Variants in RBFOX3 observed in about 807,000 individuals in gnomAD.
The protein encoded by RBFOX3 is RNA binding protein fox-1 homolog 3.
Under a neutral mutation model 48.7 loss-of-function variants are expected in RBFOX3, and 17 were observed. The ratio of observed to expected loss-of-function variants is 0.35; its 90% CI spans 0.24 to 0.52. The LOEUF is 0.52. Ranked by LOEUF, RBFOX3 falls within the 20% of genes least tolerant of loss-of-function variation. The pLI is 0.94. For synonymous variants in RBFOX3, 212 were observed against 209.5 expected (o/e 1.01, Z -0.10); for missense variants, 382 against 497.5 (o/e 0.77, Z 2.21).
intron 1 of RBFOX3, among the ~76,000 whole-genome samples, chr17:79,521,081 G>A (rs1408447267): frequency 6.6e-6 from 1 of 152,216 alleles, no homozygotes; most frequent in Admixed American, 6.5e-5. Context: ...ACGCAAAGAG[G>A]ATGGGGGGCA....
intron 3 of RBFOX3, among the ~76,000 whole-genome samples, chr17:79,255,085 T>C (rs1447721520): frequency 1.3e-5 from 2 of 152,024 alleles, no homozygotes; most frequent in Admixed American, 1.3e-4. Context: ...CTTAGCCAAC[T>C]CCTTGACCCC....
chr17:79,142,218 C>G (rs2042056199), intron 4 of RBFOX3, among the ~76,000 whole-genome samples: 1 of 152,166 alleles, frequency 6.6e-6, no homozygotes, highest in African/African-American at 2.4e-5. Context: ...TGTGCCTTGT[C>G]TGTAATTATT....
At chr17:79,301,355 G>A (rs2145336398) in intron 3 of RBFOX3, among the ~76,000 whole-genome samples, 1 of 152,350 alleles carries the variant, frequency 6.6e-6, no homozygotes, top group South Asian at 2.1e-4. Context: ...AGAACACAAA[G>A]TCTCCCAGGG....
intron 10 of RBFOX3, 76 bp downstream of exon 10, chr17:79,097,612 GCCCC>G: frequency 4.3e-6 from 3 of 695,182 alleles, no homozygotes; most frequent in Non-Finnish European, 6.5e-6. Context: ...CGCCCCTCAT[GCCCC>G]GCCCCCAGAG....
intron 1 of RBFOX3, among the ~76,000 whole-genome samples, chr17:79,573,329 C>G (rs2092743740): frequency 6.6e-6 from 1 of 152,204 alleles, no homozygotes; most frequent in African/African-American, 2.4e-5. Flanking sequence ...CTGGAAGGAG[C>G]TGCACGCAGC....
At chr17:79,184,438 G>A (rs1224107142) in intron 4 of RBFOX3, among the ~76,000 whole-genome samples, 1 of 152,216 alleles carries the variant, frequency 6.6e-6, no homozygotes, top group African/African-American at 2.4e-5. Flanking sequence ...AGAGGTCTCG[G>A]CAGTGCCCCT....
intron 2 of RBFOX3, among the ~76,000 whole-genome samples, chr17:79,340,649 G>A (rs2081941930): frequency 6.6e-6 from 1 of 152,094 alleles, no homozygotes; most frequent in South Asian, 2.1e-4. Context: ...TCATGACACG[G>A]GTCTGGCACT....
At position 79,115,512 on chromosome 17, in the gene RBFOX3, G is replaced by A. The variant is rs998084414; in HGVS notation, c.204C>T (p.Ala68=). The A allele has an allele frequency of 3.5e-5, 47 of 1,336,120 alleles. No individual in the cohort carries two copies. Among genetic ancestry groups the A allele is most frequent in the South Asian group, 4.3e-5 (2 of 46,640 alleles). 82.8% of individuals were successfully genotyped at this position (1,336,120 alleles called of 1,614,324 possible). ...PGSEASTQPI[A]GTQTVPQTDE... ...CCCTTACCGGCACTGTCTGGGTCCC[G>A]GCGATGGGCTGTGTGCTGGCCTCGG... The change falls in exon 5 of 15, where the codon GCC becomes GCT. Residue 68 remains alanine (A), a synonymous_variant. Coordinates refer to ENST00000693108, the MANE Select transcript of RBFOX3 (RefSeq NM_001350451.2).
At chr17:79,096,625 C>G (rs141414090) in intron 12 of RBFOX3, 28 bp downstream of exon 12, 10 of 1,412,570 alleles carry the variant, frequency 7.1e-6, no homozygotes, top group Non-Finnish European at 8.8e-6. Context: ...CCTGATCCCA[C>G]CCTCCCTCCC....
intron 5 of RBFOX3, among the ~76,000 whole-genome samples, chr17:79,110,925 C>T (rs537871710): frequency 6.6e-6 from 1 of 152,348 alleles, no homozygotes; most frequent in Non-Finnish European, 1.5e-5. Flanking sequence ...CCGCCCTTCT[C>T]AGGCCAGTGG....
intron 4 of RBFOX3, among the ~76,000 whole-genome samples, chr17:79,153,329 T>C (rs1447671543): frequency 2.0e-5 from 3 of 152,214 alleles, no homozygotes; most frequent in African/African-American, 7.2e-5. Context: ...ACAGGCCTTC[T>C]AGAAGGTGCT....
At chr17:79,332,316 G>A (rs529273688) in intron 2 of RBFOX3, among the ~76,000 whole-genome samples, 94 of 150,772 alleles carry the variant, frequency 6.2e-4, no homozygotes, top group Admixed American at 3.9e-3. Context: ...GCTGCTGAGC[G>A]AAGCAGGGAT....
rs1036521916 is a variant in RBFOX3 at position 79,390,422 on chromosome 17, G to C, written c.-174-82598C>G. ...CTCAGCCCCATCTGCCCACTTTGGT[G>C]CTGGAAAATGCACTCAGAGTCCAAC... On this transcript the variant is annotated intron_variant, in intron 2 of 14. Transcript: ENST00000693108. This position sits in a 1 kb window ranked among gnomAD's most constrained non-coding sequence, Gnocchi z 4.2. 2.0e-5 allele frequency among the ~76,000 whole-genome samples: 3 copies of C among 151,876 alleles called. No individual in the cohort carries two copies. The highest frequency in any genetic ancestry group is 4.4e-5 in the Non-Finnish European group (3 of 68,004).
At chr17:79,616,770 C>T in the RBFOX3 span, among the ~76,000 whole-genome samples, 1 of 152,164 alleles carries the variant, frequency 6.6e-6, no homozygotes, top group South Asian at 2.1e-4. Context: ...AATGTATGAT[C>T]AAAACGCCCC....
chr17:79,597,395 G>A (rs1050718518), intron 1 of RBFOX3, among the ~76,000 whole-genome samples: 2 of 152,214 alleles, frequency 1.3e-5, no homozygotes, highest in African/African-American at 4.8e-5. Context: ...CTTTCTGCCC[G>A]CCCCCACCCA....
chr17:79,278,642 G>A (rs1189210342), intron 3 of RBFOX3, among the ~76,000 whole-genome samples: 3 of 152,240 alleles, frequency 2.0e-5, no homozygotes, highest in South Asian at 2.1e-4. Context: ...CCCTGCCAGC[G>A]GCAGCCCGCA....
At chr17:79,115,054 G>A (rs2033454384) in intron 5 of RBFOX3, among the ~76,000 whole-genome samples, 1 of 152,224 alleles carries the variant, frequency 6.6e-6, no homozygotes, top group Non-Finnish European at 1.5e-5. Context: ...GCAACCCGAG[G>A]CAGCTCGGAG....
intron 5 of RBFOX3, among the ~76,000 whole-genome samples, chr17:79,107,881 G>T (rs1038040590): frequency 2.6e-5 from 4 of 152,190 alleles, no homozygotes. Flanking sequence ...GACAGGCACA[G>T]GTGGTGGGTG....
At chr17:79,160,041 C>G (rs1046052963) in intron 4 of RBFOX3, among the ~76,000 whole-genome samples, 9 of 152,262 alleles carry the variant, frequency 5.9e-5, no homozygotes, top group Non-Finnish European at 1.3e-4. Flanking sequence ...CCAGGAAGGG[C>G]CAACAGGCAG....
Sources: allele counts gnomAD v4.1 joint callset (sites outside exome capture counted in the v4.1 genomes callset), GRCh38; gene constraint gnomAD v4.1.1; non-coding constraint Gnocchi (gnomAD v3.1); transcripts MANE v1.5; gene names NCBI Gene and HGNC (gene_info 2026-07-23, HGNC 2026-07-21).